Variants in NPAS2 observed in about 807,000 individuals in gnomAD.
NPAS2 encodes neuronal PAS domain-containing protein 2.
Under a neutral mutation model 107.5 loss-of-function variants are expected in NPAS2, and 23 were observed. The ratio of observed to expected loss-of-function variants is 0.21; its 90% CI spans 0.15 to 0.30. The LOEUF is 0.30. Ranked by LOEUF, NPAS2 falls within the 10% of genes least tolerant of loss-of-function variation. The probability of loss-of-function intolerance (pLI) is 1.00; values close to 1 mark genes in which losing one functional copy is unlikely to be tolerated. For synonymous variants in NPAS2, 403 were observed against 417.5 expected, an observed-to-expected ratio of 0.97 and a Z score of 0.42; for missense variants, 756 against 1,043.3, an observed-to-expected ratio of 0.72 and a Z score of 3.79.
At chr2:100,903,531 A>G (rs1164045982) in intron 1 of NPAS2, among the ~76,000 whole-genome samples, 2 of 152,242 alleles carry the variant, frequency 1.3e-5, no homozygotes, top group Non-Finnish European at 2.9e-5. Flanking sequence ...TCAGAGAAAG[A>G]TTGATTGGCT....
intron 16 of NPAS2, 71 bp downstream of exon 16, chr2:100,982,448 C>A: frequency 6.4e-7 from 1 of 1,560,544 alleles, no homozygotes. Context: ...CATTTCCGGG[C>A]AGCCAGGACT....
chr2:100,987,975 C>A, intron 16 of NPAS2, 104 bp from the exon 17 acceptor site: 2 of 1,245,798 alleles, frequency 1.6e-6, no homozygotes, highest in Non-Finnish European at 2.3e-6. Context: ...TTCTAGGCAG[C>A]TCAGAGCAAG....
chr2:100,856,822 C>T (rs1037880994), intron 1 of NPAS2, among the ~76,000 whole-genome samples: 5 of 152,156 alleles, frequency 3.3e-5, no homozygotes, highest in Admixed American at 2.6e-4. Context: ...GAGGTGTCCA[C>T]GCTGCTTGCA....
Position 100,876,835 on chromosome 2 carries a change from G to A in NPAS2, c.-22-27898G>A, listed in dbSNP as rs188153958. Among the ~76,000 whole-genome samples the A allele has an allele frequency of 3.2e-4, 48 of 152,346 alleles. 1 individual carries two copies. The East Asian group carries it at 8.3e-3, about 26-fold the overall frequency. ...ACTCCCCGACTCTTAACAAAGACAT[G>A]TGGAGGTGGACGTCTGCCCTTAAGC... On this transcript the variant is annotated intron_variant, in intron 1 of 20. Coordinates refer to ENST00000335681, the MANE Select transcript of NPAS2 (RefSeq NM_002518.4).
chr2:100,862,360 T>C (rs956256681), intron 1 of NPAS2, among the ~76,000 whole-genome samples: 7 of 152,222 alleles, frequency 4.6e-5, no homozygotes, highest in Non-Finnish European at 8.8e-5. Flanking sequence ...GGTTGGGGTT[T>C]TTTTTGCCTC....
rs201594118 is a variant in NPAS2 at position 100,973,195 on chromosome 2, CA to C, written c.1141-1605del. On this transcript the variant is annotated intron_variant, in intron 12 of 20. Coordinates refer to ENST00000335681, the MANE Select transcript of NPAS2 (RefSeq NM_002518.4). ...CTCCGTCTCAAAAAAAAAAAAAATACAAACACAATCTTGGGCACTGGGTTAA... is the reference window on the plus strand; with the variant it reads ...CTCCGTCTCAAAAAAAAAAAAAATACAACACAATCTTGGGCACTGGGTTAA... 1.1e-4 allele frequency among the ~76,000 whole-genome samples: 16 copies of C among 151,814 alleles called. 1 individual carries two copies. In the East Asian group the frequency reaches 2.5e-3, roughly 24 times the overall value.
intron 1 of NPAS2, among the ~76,000 whole-genome samples, chr2:100,866,114 C>T (rs530486916): frequency 6.6e-6 from 1 of 152,298 alleles, no homozygotes; most frequent in Non-Finnish European, 1.5e-5. Flanking sequence ...CTGCAGGGCC[C>T]TAGCTGTGCC....
intron 1 of NPAS2, among the ~76,000 whole-genome samples, chr2:100,825,975 A>G (rs1573400475): frequency 6.6e-6 from 1 of 152,186 alleles, no homozygotes; most frequent in Non-Finnish European, 1.5e-5. Context: ...GTTTTTGAAC[A>G]TGTGTGAGAT....
At chr2:100,852,064 G>A (rs1366657509) in intron 1 of NPAS2, among the ~76,000 whole-genome samples, 1 of 152,152 alleles carries the variant, frequency 6.6e-6, no homozygotes, top group Non-Finnish European at 1.5e-5. Context: ...GAAAAAGTGA[G>A]GTTCCAGCAG....
At chr2:100,978,001 T>TG (rs1677137925) in intron 15 of NPAS2, among the ~76,000 whole-genome samples, 1 of 152,090 alleles carries the variant, frequency 6.6e-6, no homozygotes, top group African/African-American at 2.4e-5. Context: ...TTCCAGTGTC[T>TG]GGGGTTTTCT....
chr2:100,887,236 G>A (rs1680752551), intron 1 of NPAS2, among the ~76,000 whole-genome samples: 1 of 152,162 alleles, frequency 6.6e-6, no homozygotes, highest in Admixed American at 6.5e-5. Context: ...TGAGACTCAG[G>A]GGAATTCCCT....
chr2:100,819,011 A>T (rs776664760), upstream of NPAS2, among the ~76,000 whole-genome samples: 1 of 152,036 alleles, frequency 6.6e-6, no homozygotes, highest in Non-Finnish European at 1.5e-5. This position sits in a 1 kb window ranked among gnomAD's most constrained non-coding sequence, Gnocchi z 5.8. Context: ...CAGCCCCGGC[A>T]CCCGGGGATT....
At chr2:100,858,155 G>A (rs1344862528) in intron 1 of NPAS2, among the ~76,000 whole-genome samples, 2 of 152,134 alleles carry the variant, frequency 1.3e-5, no homozygotes, top group Non-Finnish European at 2.9e-5. Flanking sequence ...ATCATATCAG[G>A]GACTTTGCTG....
chr2:100,882,235 A>T (rs73967694), intron 1 of NPAS2, among the ~76,000 whole-genome samples: 7,995 of 152,248 alleles, frequency 0.053, 688 homozygotes, highest in African/African-American at 0.18. Context: ...CGGCACTGCC[A>T]CAGGGGCCTG....
chr2:100,943,288 C>T (rs1306783238), intron 5 of NPAS2, among the ~76,000 whole-genome samples: 3 of 152,212 alleles, frequency 2.0e-5, no homozygotes, highest in Admixed American at 6.5e-5. Context: ...CTCTCGATTA[C>T]CAATGAGATT....
intron 1 of NPAS2, among the ~76,000 whole-genome samples, chr2:100,831,069 G>A (rs947192955): frequency 6.6e-6 from 1 of 152,144 alleles, no homozygotes; most frequent in South Asian, 2.1e-4. Flanking sequence ...GGAGGCTGAG[G>A]CAGGTGGATC....
intron 1 of NPAS2, among the ~76,000 whole-genome samples, chr2:100,831,228 G>A (rs755819720): frequency 2.6e-5 from 4 of 152,092 alleles, no homozygotes; most frequent in African/African-American, 7.2e-5. Flanking sequence ...CCCAGGAGGC[G>A]GAGGTTGCGG....
Position 100,968,194 on chromosome 2 carries a change from G to A in NPAS2, c.908-87G>A, listed in dbSNP as rs1057080274. 7.2e-7 allele frequency: 1 copy of A among 1,389,662 alleles called. No individual in the cohort carries two copies. Among genetic ancestry groups the A allele is most frequent in the East Asian group, 2.3e-5 (1 of 43,128 alleles). The allele number at this position is 1,389,662 out of a possible 1,614,324, so 86.1% of individuals were successfully genotyped here. On this transcript the variant is annotated intron_variant, in intron 10 of 20. Coordinates refer to ENST00000335681, the MANE Select transcript of NPAS2 (RefSeq NM_002518.4). The surrounding 1 kb of genome is among the most constrained non-coding windows in gnomAD (Gnocchi z 5.3). ...CATGTTTGGTATTGTCTTTTTTTTT[G>A]AAAGCTTATCTTTACAATAACTCTT...
At chr2:100,962,307 A>C (rs1302898821) in intron 7 of NPAS2, among the ~76,000 whole-genome samples, 1 of 151,842 alleles carries the variant, frequency 6.6e-6, no homozygotes, top group Non-Finnish European at 1.5e-5. Context: ...GAAACCTATA[A>C]ATATATATAT....
Sources: gnomAD v4.1 joint callset for allele counts (sites outside exome capture counted in the v4.1 genomes callset) on GRCh38, gnomAD v4.1.1 for gene constraint, Gnocchi (gnomAD v3.1) non-coding constraint, MANE v1.5 for transcripts, NCBI Gene and HGNC (gene_info 2026-07-23, HGNC 2026-07-21) for gene names.